SLC44A3: variants seen among roughly 807,000 people sequenced by gnomAD.
SLC44A3 encodes choline transporter-like protein 3.
In SLC44A3, 74 loss-of-function variants were observed where a neutral mutation model predicts 75.4. The ratio of observed to expected loss-of-function variants is 0.98; its 90% confidence interval spans 0.81 to 1.19. The LOEUF is 1.19. Among genes scored for constraint, SLC44A3 ranks in the 50% most tolerant of loss-of-function variants. The pLI is 0.00. For missense variants in SLC44A3, 700 were observed against 778.6 expected, an observed-to-expected ratio of 0.90 and a Z score of 1.20; for synonymous variants, 310 against 296.9, an observed-to-expected ratio of 1.04 and a Z score of -0.45.
intron 2 of SLC44A3, among the ~76,000 whole-genome samples, chr1:94,822,423 C>A (rs1214976432): frequency 6.6e-6 from 1 of 152,192 alleles, no homozygotes; most frequent in Non-Finnish European, 1.5e-5. Flanking sequence ...AGCTCACTGG[C>A]TTTTAGTGTC....
intron 12 of SLC44A3, among the ~76,000 whole-genome samples, chr1:94,872,820 A>G (rs538843945): frequency 1.3e-5 from 2 of 152,320 alleles, no homozygotes; most frequent in Admixed American, 1.3e-4. Flanking sequence ...GGGAGAGTGG[A>G]AAACAATATG....
chr1:94,824,756 A>G, intron 3 of SLC44A3, 121 bp downstream of exon 3: 1 of 1,262,556 alleles, frequency 7.9e-7, no homozygotes, highest in Non-Finnish European at 1.1e-6. Flanking sequence ...TTTTATAAAA[A>G]GGAAGGCTGT....
chr1:94,824,773 A>T, intron 3 of SLC44A3, 138 bp downstream of exon 3: 1 of 1,001,758 alleles, frequency 1.0e-6, no homozygotes. Context: ...CTGTGTATAT[A>T]GTACAGGTAA....
At chr1:94,861,667 T>G (rs1666590473) in intron 10 of SLC44A3, among the ~76,000 whole-genome samples, 1 of 152,228 alleles carries the variant, frequency 6.6e-6, no homozygotes. Flanking sequence ...ATTCTTCGTA[T>G]CCTTTTCTGG....
chr1:94,825,634 G>A (rs567243182), intron 3 of SLC44A3, among the ~76,000 whole-genome samples: 4 of 152,146 alleles, frequency 2.6e-5, no homozygotes, highest in African/African-American at 7.2e-5. Context: ...AGCCAAAAAC[G>A]GATTTTTAGG....
intron 14 of SLC44A3, among the ~76,000 whole-genome samples, chr1:94,893,320 C>T (rs1670424408): frequency 6.6e-6 from 1 of 152,056 alleles, no homozygotes; most frequent in Admixed American, 6.5e-5. Flanking sequence ...TTTTAAGAAC[C>T]ACTTCTACAA....
intron 4 of SLC44A3, among the ~76,000 whole-genome samples, chr1:94,828,211 G>C (rs1465977726): frequency 6.6e-6 from 1 of 152,190 alleles, no homozygotes; most frequent in African/African-American, 2.4e-5. Context: ...GCAAAGCCAG[G>C]TTTAAACTAT....
At chr1:94,827,852 C>T (rs1187470040) in intron 4 of SLC44A3, among the ~76,000 whole-genome samples, 2 of 152,006 alleles carry the variant, frequency 1.3e-5, no homozygotes, top group African/African-American at 2.4e-5. Flanking sequence ...TATCTGAAGC[C>T]CTAGCTATTC....
chr1:94,845,432 G>C lies in SLC44A3; in HGVS notation c.1040G>C (p.Trp347Ser). ...ATCCTCATTTTCTTCTGGGTCCTCT[G>C]GGTGGCTGTGCTGCTGAGCCTGGGA... ...FAILIFFWVL[W>S]VAVLLSLGTA... Residue 347 changes from tryptophan to serine, a missense_variant, in exon 9 of 15, where the codon TGG becomes TCG. Trp to Ser is a radical substitution (Grantham distance 177). Transcript: ENST00000271227. 6.2e-7 allele frequency: 1 copy of C among 1,613,304 alleles called. No individual in the cohort carries two copies. Among genetic ancestry groups the C allele is most frequent in the Non-Finnish European group, 8.5e-7 (1 of 1,179,954 alleles).
chr1:94,864,539 T>A (rs1666938590), intron 10 of SLC44A3, among the ~76,000 whole-genome samples: 1 of 152,192 alleles, frequency 6.6e-6, no homozygotes, highest in Non-Finnish European at 1.5e-5. Flanking sequence ...TCTGTTTTAT[T>A]TGTAGCATTA....
rs1661065733 is a variant in SLC44A3 at position 94,824,655 on chromosome 1, C to A, written c.278+20C>A. 6.5e-7 allele frequency: 1 copy of A among 1,549,470 alleles called. No homozygotes were observed. The highest frequency in any genetic ancestry group is 2.3e-5 in the East Asian group (1 of 43,698). On this transcript the variant is annotated intron_variant, in intron 3 of 14. Transcript: ENST00000271227. ...AAAAAAGTAAGTATCTAAATAAGTC[C>A]CCAGTCTGTAAGGAACTGTACCTCA...
At chr1:94,866,641 A>G (rs1388371784) in intron 11 of SLC44A3, among the ~76,000 whole-genome samples, 2 of 152,178 alleles carry the variant, frequency 1.3e-5, no homozygotes, top group Non-Finnish European at 2.9e-5. Context: ...GAAAATGTCC[A>G]TATAAGGCTG....
At chr1:94,859,852 G>A (rs1390013672) in intron 10 of SLC44A3, among the ~76,000 whole-genome samples, 1 of 151,892 alleles carries the variant, frequency 6.6e-6, no homozygotes, top group East Asian at 1.9e-4. Flanking sequence ...CCTAGGAAGA[G>A]GTTAGAGGAT....
intron 5 of SLC44A3, 58 bp downstream of exon 5, chr1:94,828,644 T>G: frequency 6.9e-7 from 1 of 1,459,160 alleles, no homozygotes; most frequent in Non-Finnish European, 9.6e-7. Flanking sequence ...GTACTTGGTG[T>G]GCATCTGTTA....
At chr1:94,820,718 C>T in intron 1 of SLC44A3, 1 of 1,391,262 alleles carries the variant, frequency 7.2e-7, no homozygotes, top group South Asian at 1.7e-5. Context: ...TCAGGTGCAC[C>T]TCCAGGTAAG....
intron 10 of SLC44A3, among the ~76,000 whole-genome samples, chr1:94,862,636 G>T (rs1017738752): frequency 2.0e-5 from 3 of 152,156 alleles, no homozygotes; most frequent in Admixed American, 1.3e-4. Flanking sequence ...GCTTCATGGG[G>T]CATATGCTAG....
chr1:94,822,120 G>A (rs1660690199), intron 2 of SLC44A3, among the ~76,000 whole-genome samples: 1 of 152,150 alleles, frequency 6.6e-6, no homozygotes, highest in African/African-American at 2.4e-5. Flanking sequence ...GGCCTGCCTT[G>A]TGCCTGGCAG....
intron 13 of SLC44A3, among the ~76,000 whole-genome samples, chr1:94,892,052 G>A (rs1476913903): frequency 6.6e-6 from 1 of 152,220 alleles, no homozygotes. Flanking sequence ...GCTAGGCACA[G>A]ATAAAATTAC....
intron 13 of SLC44A3, among the ~76,000 whole-genome samples, chr1:94,891,523 C>T (rs1203050084): frequency 1.3e-5 from 2 of 152,190 alleles, no homozygotes; most frequent in Admixed American, 6.5e-5. Flanking sequence ...TACCTGTGAT[C>T]AGTTCTACCA....
Sources: allele counts gnomAD v4.1 joint callset (sites outside exome capture counted in the v4.1 genomes callset), GRCh38; gene constraint gnomAD v4.1.1; transcripts MANE v1.5; gene names NCBI Gene and HGNC (gene_info 2026-07-23, HGNC 2026-07-21).